RELCH: variants seen among roughly 807,000 people sequenced by gnomAD.
The protein encoded by RELCH is RAB11 binding and LisH domain, coiled-coil and HEAT repeat containing, also known as RAB11-binding protein RELCH.
Under a neutral mutation model 150.3 loss-of-function variants are expected in RELCH, and 41 were observed. The ratio of observed to expected loss-of-function variants is 0.27; its 90% CI spans 0.21 to 0.35. The LOEUF (loss-of-function observed/expected upper bound fraction) is 0.35. Ranked by LOEUF, RELCH falls within the 10% of genes least tolerant of loss-of-function variation. RELCH has a pLI of 1.00. For synonymous variants in RELCH, 478 were observed against 531.8 expected, an observed-to-expected ratio of 0.90 and a Z score of 1.39; for missense variants, 1,092 against 1,467.8, an observed-to-expected ratio of 0.74 and a Z score of 4.18.
chr18:62,254,462 A>G (rs2042891704), intron 12 of RELCH, among the ~76,000 whole-genome samples: 2 of 151,860 alleles, frequency 1.3e-5, no homozygotes, highest in African/African-American at 2.4e-5. Context: ...TTACTGAGCT[A>G]AAGAAAAGCA....
At chr18:62,250,325 A>G (rs915178008) in intron 11 of RELCH, among the ~76,000 whole-genome samples, 2 of 152,206 alleles carry the variant, frequency 1.3e-5, no homozygotes, top group African/African-American at 2.4e-5. Context: ...GTGAAGCTCT[A>G]TACAAGTGTG....
At chr18:62,228,187 A>G in intron 7 of RELCH, 118 bp from the exon 8 acceptor site, 1 of 779,982 alleles carries the variant, frequency 1.3e-6, no homozygotes, top group Non-Finnish European at 2.1e-6. Context: ...CTTGCCAATC[A>G]TTTGCTACTA....
chr18:62,238,606 T>G (rs187717102), intron 10 of RELCH, among the ~76,000 whole-genome samples: 2 of 152,160 alleles, frequency 1.3e-5, no homozygotes, highest in African/African-American at 4.8e-5. Flanking sequence ...AGGAAATATG[T>G]TCTATCAGCT....
intron 2 of RELCH, among the ~76,000 whole-genome samples, chr18:62,219,295 G>T: frequency 8.1e-6 from 1 of 123,540 alleles, no homozygotes; most frequent in Non-Finnish European, 1.8e-5. Context: ...TTCCCAGTTT[G>T]TGTTTTAACC....
intron 27 of RELCH, among the ~76,000 whole-genome samples, chr18:62,297,912 T>C (rs2045488927): frequency 6.6e-6 from 1 of 152,342 alleles, no homozygotes; most frequent in Admixed American, 6.5e-5. Flanking sequence ...AACACTTCCA[T>C]GTGAATTGTA....
At chr18:62,252,120 C>T (rs541312727) in intron 11 of RELCH, among the ~76,000 whole-genome samples, 8 of 151,814 alleles carry the variant, frequency 5.3e-5, no homozygotes, top group African/African-American at 1.2e-4. Context: ...CTCAGCCTCC[C>T]GAGTAGCTGG....
rs370002209 is a variant in RELCH at position 62,191,888 on chromosome 18, T to C, written c.526+3857T>C. 7.2e-5 allele frequency among the ~76,000 whole-genome samples: 11 copies of C among 152,358 alleles called. No homozygotes were observed. The East Asian group carries it at 1.9e-3, about 27-fold the overall frequency. ...CCTGTATCTTTATAATAGAATGATTTACATTCCTTTGGGCATATACCCAGT... is the reference window on the plus strand; with the variant it reads ...CCTGTATCTTTATAATAGAATGATTCACATTCCTTTGGGCATATACCCAGT... On this transcript the variant is annotated intron_variant, in intron 1 of 28. Coordinates refer to ENST00000644646, the MANE Select transcript of RELCH (RefSeq NM_001346231.2).
chr18:62,195,035 T>C (rs2038925046), intron 1 of RELCH, among the ~76,000 whole-genome samples: 1 of 152,212 alleles, frequency 6.6e-6, no homozygotes, highest in East Asian at 1.9e-4. Flanking sequence ...AATTTTTTTC[T>C]TGATTATAAG....
rs549400286 is a variant in RELCH, at chr18:62,225,115, G to T, written c.859-2174G>T. On this transcript the variant is annotated intron_variant, in intron 5 of 28. Coordinates refer to ENST00000644646, the MANE Select transcript of RELCH (RefSeq NM_001346231.2). ...AAATACCTTCCATGCAGAAAGGGTA[G>T]TCTTTTTTTTACAAATGGTAATGGA... is the stretch of plus-strand genomic sequence containing the variant. Among the ~76,000 whole-genome samples, 64 of 152,050 alleles carry T rather than the reference G, an allele frequency of 4.2e-4. 1 individual carries two copies. In the South Asian group the frequency reaches 0.013, roughly 32 times the overall value.
At chr18:62,256,086 T>C (rs1478015100) in intron 13 of RELCH, among the ~76,000 whole-genome samples, 1 of 152,068 alleles carries the variant, frequency 6.6e-6, no homozygotes, top group Non-Finnish European at 1.5e-5. Context: ...ATAAAAACCC[T>C]TTGCTGCATA....
chr18:62,248,839 A>T (rs2042555593), intron 11 of RELCH, among the ~76,000 whole-genome samples: 1 of 152,162 alleles, frequency 6.6e-6, no homozygotes, highest in South Asian at 2.1e-4. Context: ...ACTCAGAGTG[A>T]TGAGGAGGGC....
At position 62,257,977 on chromosome 18, in the gene RELCH, A is replaced by G; in HGVS notation, c.1926A>G (p.Ser642=). Residue 642 remains serine (S), a synonymous_variant, in exon 14 of 29, where the codon TCA becomes TCG. Coordinates refer to ENST00000644646, the MANE Select transcript of RELCH (RefSeq NM_001346231.2). ...PKEIRSSLVL[S]MLQQMLMEDK... ...AAATCCGTAGCTCCTTGGTTCTTTC[A>G]ATGTTGCAACAAATGTTAATGGAAG... 6.2e-7 allele frequency: 1 copy of G among 1,604,744 alleles called. No homozygotes were observed. The highest frequency in any genetic ancestry group is 8.5e-7 in the Non-Finnish European group (1 of 1,176,350).
intron 13 of RELCH, 133 bp from the exon 14 acceptor site, chr18:62,257,815 G>C: frequency 1.5e-6 from 1 of 667,508 alleles, no homozygotes. Context: ...TACATCAACA[G>C]TTAGTCAGCA....
At chr18:62,195,667 T>C (rs770618933) in intron 1 of RELCH, among the ~76,000 whole-genome samples, 5 of 152,068 alleles carry the variant, frequency 3.3e-5, no homozygotes, top group Non-Finnish European at 7.4e-5. Context: ...ATTTCACCTA[T>C]GAGCTTGCAG....
chr18:62,220,167 T>G (rs1328672328), intron 2 of RELCH, among the ~76,000 whole-genome samples: 1 of 152,066 alleles, frequency 6.6e-6, no homozygotes, highest in Non-Finnish European at 1.5e-5. Flanking sequence ...CACTAGTACC[T>G]CTTAACATGA....
rs1211193722 is a variant in RELCH at position 62,228,438 on chromosome 18, A to C, written c.1288A>C (p.Lys430Gln). 2 of 1,613,288 alleles carry C rather than the reference A, an allele frequency of 1.2e-6. No homozygotes were observed. Among genetic ancestry groups the C allele is most frequent in the African/African-American group, 2.7e-5 (2 of 74,864 alleles). ...GCATCCAGATGTAAATAGTTCAGACAAGGGAAAAAACACAGACATCCATCT... is the reference window on the plus strand; with the variant it reads ...GCATCCAGATGTAAATAGTTCAGACCAGGGAAAAAACACAGACATCCATCT... ...GQHPDVNSSDKGKNTDIHLSI... is the reference protein window; with the variant it reads ...GQHPDVNSSDQGKNTDIHLSI... Residue 430 changes from lysine (K) to glutamine (Q), a missense_variant, in exon 8 of 29, where the codon AAG becomes CAG. Around this residue, in one of 4 missense-constraint regions of RELCH, gnomAD observed 707 missense variants for 1,025.4 expected, o/e 0.69. Transcript: ENST00000644646.
intron 14 of RELCH, 138 bp downstream of exon 14, chr18:62,258,226 T>A: frequency 1.2e-6 from 1 of 820,880 alleles, no homozygotes. Context: ...TGGGGATGGC[T>A]GCCTGGTTTC....
intron 15 of RELCH, among the ~76,000 whole-genome samples, chr18:62,260,605 G>A (rs76365956): frequency 0.034 from 5,131 of 151,698 alleles, 281 homozygotes; most frequent in African/African-American, 0.12. Context: ...TACATGTTGA[G>A]TTTCAAGCAC....
At chr18:62,190,717 G>A (rs1352192804) in intron 1 of RELCH, among the ~76,000 whole-genome samples, 1 of 152,110 alleles carries the variant, frequency 6.6e-6, no homozygotes, top group African/African-American at 2.4e-5. Flanking sequence ...CCTGGGCCTG[G>A]GTACTTTCAA....
Sources: gnomAD v4.1 joint callset for allele counts (sites outside exome capture counted in the v4.1 genomes callset) on GRCh38, gnomAD v4.1.1 for gene constraint, gnomAD v4.1.1 regional missense constraint, MANE v1.5 for transcripts, NCBI Gene and HGNC (gene_info 2026-07-23, HGNC 2026-07-21) for gene names.